The following ARHGAP8 variants were observed in gnomAD, a reference collection of about 807,000 sequenced individuals.
ARHGAP8 encodes the protein rho GTPase-activating protein 8.
Under a neutral mutation model 46.1 loss-of-function variants are expected in ARHGAP8, and 62 were observed. The ratio of observed to expected loss-of-function variants is 1.34; its 90% confidence interval spans 1.10 to 1.66. The LOEUF (loss-of-function observed/expected upper bound fraction) is 1.66. ARHGAP8 is among the 40% of genes most tolerant of loss of function. The pLI is 0.00. For synonymous variants in ARHGAP8, 375 were observed against 243.1 expected (o/e 1.54, Z -5.05); for missense variants, 923 against 568.4 (o/e 1.62, Z -6.34).
chr22:44,855,806 C>G (rs999337175), intron 10 of ARHGAP8, among the ~76,000 whole-genome samples: 1 of 152,114 alleles, frequency 6.6e-6, no homozygotes, highest in African/African-American at 2.4e-5. Context: ...GGTAGGATGT[C>G]AGCTGTCGCC....
chr22:44,795,648 G>A (rs1041073156), intron 2 of ARHGAP8, among the ~76,000 whole-genome samples: 2 of 152,272 alleles, frequency 1.3e-5, no homozygotes, highest in South Asian at 2.1e-4. Context: ...GAGCCCCCTG[G>A]TTTGGGATGA....
chr22:44,844,472 A>AT (rs201275151), intron 7 of ARHGAP8, among the ~76,000 whole-genome samples: 193 of 151,822 alleles, frequency 1.3e-3, no homozygotes, highest in Non-Finnish European at 2.3e-3. Flanking sequence ...ATTTTATTTT[A>AT]TTTTTTTTGA....
chr22:44,809,276 C>T, intron 4 of ARHGAP8: 2 of 421,700 alleles, frequency 4.7e-6, no homozygotes, highest in Non-Finnish European at 4.9e-6. Flanking sequence ...AAATATTCTT[C>T]TGTTTTTTTT....
At chr22:44,770,797 C>T (rs561502944) in intron 1 of ARHGAP8, among the ~76,000 whole-genome samples, 20 of 152,358 alleles carry the variant, frequency 1.3e-4, no homozygotes, top group Admixed American at 1.2e-3. Context: ...CTGGTGACTA[C>T]ACCTAGGTCT....
intron 3 of ARHGAP8, among the ~76,000 whole-genome samples, chr22:44,803,153 ACT>A (rs2147082471): frequency 6.6e-6 from 1 of 152,150 alleles, no homozygotes; most frequent in African/African-American, 2.4e-5. Flanking sequence ...CCAGGAAATG[ACT>A]CTGAGACAGA....
intron 10 of ARHGAP8, among the ~76,000 whole-genome samples, chr22:44,854,763 C>T (rs750600751): frequency 2.0e-4 from 31 of 152,032 alleles, no homozygotes; most frequent in African/African-American, 1.7e-4. Flanking sequence ...CTCAGCCTCC[C>T]GAGTAGCTGG....
intron 4 of ARHGAP8, among the ~76,000 whole-genome samples, chr22:44,813,926 G>C (rs566842693): frequency 2.2e-4 from 34 of 152,294 alleles, no homozygotes; most frequent in Non-Finnish European, 4.4e-4. Flanking sequence ...GTGGATAAGA[G>C]GTGGCTCTGG....
At chr22:44,847,890 C>T (rs1458910113) in intron 8 of ARHGAP8, 83 bp from the exon 9 acceptor site, 2 of 1,545,216 alleles carry the variant, frequency 1.3e-6, no homozygotes, top group Non-Finnish European at 1.8e-6. Context: ...TGGGTGATGC[C>T]GTGGGCAGGG....
intron 1 of ARHGAP8, among the ~76,000 whole-genome samples, chr22:44,768,538 G>T (rs1002573333): frequency 4.0e-5 from 6 of 150,256 alleles, no homozygotes; most frequent in African/African-American, 1.2e-4. Context: ...AACTCCTGGG[G>T]TCCAGCACTT....
chr22:44,782,976 G>T (rs1322757546), intron 1 of ARHGAP8, among the ~76,000 whole-genome samples: 1 of 152,140 alleles, frequency 6.6e-6, no homozygotes. Flanking sequence ...CGTGGCTAAC[G>T]TGTAGGGCCA....
At chr22:44,813,255 T>TAC (rs143474269) in intron 4 of ARHGAP8, among the ~76,000 whole-genome samples, 2,296 of 150,350 alleles carry the variant, frequency 0.015, 30 homozygotes, top group African/African-American at 0.043. Context: ...TACATACACT[T>TAC]ACACACACAC....
intron 2 of ARHGAP8, among the ~76,000 whole-genome samples, chr22:44,795,373 C>T (rs1041352322): frequency 2.6e-5 from 4 of 152,086 alleles, no homozygotes; most frequent in South Asian, 2.1e-4. Flanking sequence ...GGGCCCATGG[C>T]GTGGTTGGGT....
At chr22:44,789,986 A>G (rs973713696) in intron 2 of ARHGAP8, among the ~76,000 whole-genome samples, 1 of 152,126 alleles carries the variant, frequency 6.6e-6, no homozygotes, top group South Asian at 2.1e-4. Context: ...ACAGCTTATC[A>G]CTAAACGTTT....
At chr22:44,857,548 C>T (rs577810429) in intron 10 of ARHGAP8, among the ~76,000 whole-genome samples, 5 of 152,126 alleles carry the variant, frequency 3.3e-5, no homozygotes, top group Non-Finnish European at 5.9e-5. Context: ...GTGCTGATGC[C>T]AGGTTGGAAG....
intron 1 of ARHGAP8, among the ~76,000 whole-genome samples, chr22:44,768,863 G>C (rs915591650): frequency 6.8e-6 from 1 of 147,480 alleles, no homozygotes; most frequent in East Asian, 2.0e-4. Flanking sequence ...TTTCAAGACA[G>C]AGTCTCTGTT....
chr22:44,769,441 C>G (rs968631363), intron 1 of ARHGAP8, among the ~76,000 whole-genome samples: 2 of 152,024 alleles, frequency 1.3e-5, no homozygotes, highest in African/African-American at 2.4e-5. Context: ...ATTCTGGGCC[C>G]TTTTTAGTTT....
At chr22:44,846,559 GCACCC>G (rs1328641335) in intron 8 of ARHGAP8, among the ~76,000 whole-genome samples, 2 of 152,136 alleles carry the variant, frequency 1.3e-5, no homozygotes, top group Non-Finnish European at 2.9e-5. Context: ...GGTACGGGGG[GCACCC>G]CACACTGGGA....
intron 7 of ARHGAP8, 145 bp downstream of exon 7, chr22:44,825,738 C>T (rs1930464007): frequency 4.8e-6 from 5 of 1,047,008 alleles, no homozygotes; most frequent in African/African-American, 1.6e-5. Context: ...CTGAGCTCAT[C>T]ACTGAGGCCG....
At chr22:44,837,309 T>A (rs1931353467) in intron 7 of ARHGAP8, among the ~76,000 whole-genome samples, 1 of 152,196 alleles carries the variant, frequency 6.6e-6, no homozygotes, top group African/African-American at 2.4e-5. Flanking sequence ...CAAGCAAGAA[T>A]TCTATGCTGA....
Sources: allele counts gnomAD v4.1 joint callset (sites outside exome capture counted in the v4.1 genomes callset), GRCh38; gene constraint gnomAD v4.1.1; transcripts MANE v1.5; gene names NCBI Gene and HGNC (gene_info 2026-07-23, HGNC 2026-07-21).